The following GTF2F2 variants were observed in gnomAD, a reference collection of about 807,000 sequenced individuals.
GTF2F2 encodes ATP-dependent helicase GTF2F2.
Under a neutral mutation model 42.2 loss-of-function variants are expected in GTF2F2, and 23 were observed. That is an observed-to-expected ratio of 0.55 (90% CI 0.39 to 0.77). GTF2F2 has a LOEUF of 0.77. Ranked by LOEUF, GTF2F2 falls within the 30% of genes least tolerant of loss-of-function variation. The pLI is 0.00. For missense variants in GTF2F2, 261 were observed against 287.2 expected (o/e 0.91, Z 0.66); for synonymous variants, 105 against 100.8 (o/e 1.04, Z -0.25).
At chr13:45,232,799 A>G (rs1319617230) in intron 5 of GTF2F2, among the ~76,000 whole-genome samples, 1 of 152,234 alleles carries the variant, frequency 6.6e-6, no homozygotes, top group Non-Finnish European at 1.5e-5. Context: ...TTACATAAAT[A>G]TATTTTTACT....
intron 5 of GTF2F2, among the ~76,000 whole-genome samples, chr13:45,243,482 C>T (rs565096226): frequency 1.7e-4 from 26 of 152,310 alleles, no homozygotes; most frequent in African/African-American, 2.9e-4. Flanking sequence ...ACACCCTCCA[C>T]GCTGTTGGTG....
chr13:45,185,809 A>C (rs1004550773), intron 4 of GTF2F2, among the ~76,000 whole-genome samples: 1 of 152,044 alleles, frequency 6.6e-6, no homozygotes. Flanking sequence ...CAGTTATCTC[A>C]CCTTTATTAG....
chr13:45,127,938 CT>C (rs1161627204), intron 1 of GTF2F2, among the ~76,000 whole-genome samples: 506 of 48,570 alleles, frequency 0.01, 4 homozygotes, highest in Middle Eastern at 0.088. Context: ...GCACCCCGGC[CT>C]TTTTTTTTTT....
At position 45,120,711 on chromosome 13, in the gene GTF2F2, G is replaced by A; in HGVS notation, c.56G>A (p.Trp19Ter). 2 of 1,556,714 alleles carry A rather than the reference G, an allele frequency of 1.3e-6. No individual in the cohort carries two copies. Among genetic ancestry groups the A allele is most frequent in the East Asian group, 2.4e-5 (1 of 41,940 alleles). The change falls in exon 1 of 8, where the codon TGG (tryptophan) becomes TAG (stop). Residue 19 changes from tryptophan to a stop codon, truncating the protein, a stop_gained. Coordinates refer to ENST00000340473, the MANE Select transcript of GTF2F2 (RefSeq NM_004128.3). LOFTEE classifies it high-confidence loss of function. ...GGCGCCAAACAGAACACAGGAGTGT[G>A]GCTAGTCAAGGTAATGTTCGCGAGT... Reference protein sequence around the residue: ...LTGAKQNTGVWLVKVPKYLSQ... With the variant: ...LTGAKQNTGV
chr13:45,209,978 C>T (rs898258825), intron 5 of GTF2F2, among the ~76,000 whole-genome samples: 9 of 152,140 alleles, frequency 5.9e-5, no homozygotes, highest in African/African-American at 1.9e-4. Context: ...GTCTGATCAC[C>T]CCCATGAACT....
At chr13:45,274,211 A>G (rs1037256331) in intron 7 of GTF2F2, among the ~76,000 whole-genome samples, 6 of 152,030 alleles carry the variant, frequency 3.9e-5, no homozygotes, top group Admixed American at 1.3e-4. Context: ...GATATATTAC[A>G]TTACCCAGAT....
intron 5 of GTF2F2, among the ~76,000 whole-genome samples, chr13:45,248,407 GTGTTT>G (rs1289783999): frequency 6.6e-6 from 1 of 151,666 alleles, no homozygotes; most frequent in Non-Finnish European, 1.5e-5. Context: ...AGTTTTTTTT[GTGTTT>G]TTTTGTTTTG....
chr13:45,244,619 T>C (rs1875491636), intron 5 of GTF2F2, among the ~76,000 whole-genome samples: 2 of 152,204 alleles, frequency 1.3e-5, no homozygotes, highest in Non-Finnish European at 2.9e-5. Context: ...GTAACAAAGC[T>C]ATTTAATTTT....
chr13:45,236,414 T>C (rs187598997), intron 5 of GTF2F2, among the ~76,000 whole-genome samples: 22 of 151,962 alleles, frequency 1.4e-4, no homozygotes, highest in African/African-American at 4.8e-4. Context: ...ATCTCCTGAG[T>C]TGTGTATAGT....
intron 5 of GTF2F2, among the ~76,000 whole-genome samples, chr13:45,229,122 A>G (rs1234600415): frequency 6.6e-6 from 1 of 152,142 alleles, no homozygotes; most frequent in Non-Finnish European, 1.5e-5. Context: ...ACCTCAGGTG[A>G]TCTGCCCACC....
chr13:45,168,779 GCTTC>G (rs368098791), intron 4 of GTF2F2, among the ~76,000 whole-genome samples: 17,203 of 125,418 alleles, frequency 0.14, 1,298 homozygotes, highest in African/African-American at 0.2. Flanking sequence ...CACCTGGCTG[GCTTC>G]CTTCCTTCCT....
chr13:45,156,446 C>T (rs1180129954), intron 4 of GTF2F2, among the ~76,000 whole-genome samples: 1 of 152,150 alleles, frequency 6.6e-6, no homozygotes, highest in Admixed American at 6.5e-5. Context: ...CATCCTCTGT[C>T]ATAGCTATCT....
intron 6 of GTF2F2, among the ~76,000 whole-genome samples, chr13:45,264,539 G>C (rs1876486055): frequency 6.6e-6 from 1 of 152,112 alleles, no homozygotes; most frequent in African/African-American, 2.4e-5. Flanking sequence ...CAAAGTTGCT[G>C]GGATTACAGG....
At chr13:45,248,719 A>C (rs1272496622) in intron 5 of GTF2F2, among the ~76,000 whole-genome samples, 1 of 151,746 alleles carries the variant, frequency 6.6e-6, no homozygotes, top group Non-Finnish European at 1.5e-5. Flanking sequence ...CAGGTGATCC[A>C]CCTGTCTCTG....
intron 1 of GTF2F2, among the ~76,000 whole-genome samples, chr13:45,136,107 C>T (rs1869605955): frequency 6.6e-6 from 1 of 152,172 alleles, no homozygotes; most frequent in South Asian, 2.1e-4. Flanking sequence ...AATTGTATAA[C>T]CTTGAGTAAA....
chr13:45,220,132 A>G (rs888046494), intron 5 of GTF2F2, among the ~76,000 whole-genome samples: 8 of 152,220 alleles, frequency 5.3e-5, no homozygotes, highest in African/African-American at 1.9e-4. Context: ...TAAAGAAAGG[A>G]ATGAAAAGCA....
chr13:45,196,963 T>C (rs1248818230), intron 4 of GTF2F2, among the ~76,000 whole-genome samples: 1 of 152,032 alleles, frequency 6.6e-6, no homozygotes, highest in Middle Eastern at 3.2e-3. Flanking sequence ...TGATGAGTGC[T>C]CGTTTCTGCA....
At chr13:45,144,628 A>C (rs1870103425) in intron 2 of GTF2F2, among the ~76,000 whole-genome samples, 2 of 151,686 alleles carry the variant, frequency 1.3e-5, no homozygotes, top group African/African-American at 4.8e-5. Context: ...TTTTTAGTAG[A>C]GACGGGGTTT....
chr13:45,122,364 G>C (rs916855144), intron 1 of GTF2F2, among the ~76,000 whole-genome samples: 1 of 152,142 alleles, frequency 6.6e-6, no homozygotes, highest in Non-Finnish European at 1.5e-5. Context: ...GGCTGGGCAT[G>C]GTGGCTCACG....
Sources: allele counts gnomAD v4.1 joint callset (sites outside exome capture counted in the v4.1 genomes callset), GRCh38; gene constraint gnomAD v4.1.1; transcripts MANE v1.5; gene names NCBI Gene and HGNC (gene_info 2026-07-23, HGNC 2026-07-21).